Variants in CIDEA observed in about 807,000 individuals in gnomAD.
CIDEA encodes the protein cell death inducing DFFA like effector a, also known as lipid transferase CIDEA.
A neutral mutation model predicts 18.2 loss-of-function variants in CIDEA; 10 were observed. The observed-to-expected ratio is 0.55, with a 90% CI of 0.34 to 0.93. The LOEUF is 0.93. CIDEA is among the 40% of genes least tolerant of loss of function. The probability of loss-of-function intolerance (pLI) is 0.02; values close to 1 mark genes in which losing one functional copy is unlikely to be tolerated. For missense variants in CIDEA, 309 were observed against 293.1 expected (o/e 1.05, Z -0.40); for synonymous variants, 128 against 124.8 (o/e 1.03, Z -0.17).
chr18:12,264,844 C>T (rs1912308063), intron 3 of CIDEA, among the ~76,000 whole-genome samples: 1 of 152,244 alleles, frequency 6.6e-6, no homozygotes, highest in African/African-American at 2.4e-5. Flanking sequence ...TGAGCCACCG[C>T]GCCCGGCCAA....
At chr18:12,274,393 T>C in intron 4 of CIDEA, 119 bp downstream of exon 4, 1 of 847,348 alleles carries the variant, frequency 1.2e-6, no homozygotes, top group Non-Finnish European at 1.9e-6. Context: ...TAGGGGCAGT[T>C]GGAGTAATGT....
At chr18:12,271,046 C>T (rs1021679757) in intron 3 of CIDEA, among the ~76,000 whole-genome samples, 2 of 151,598 alleles carry the variant, frequency 1.3e-5, no homozygotes, top group Non-Finnish European at 2.9e-5. Context: ...TTACAGGCGC[C>T]CACCACCACG....
intron 3 of CIDEA, among the ~76,000 whole-genome samples, chr18:12,269,743 G>A (rs930644281): frequency 1.3e-5 from 2 of 152,050 alleles, no homozygotes; most frequent in Non-Finnish European, 2.9e-5. Flanking sequence ...TGTCACCCGG[G>A]CTGGAGTGCA....
chr18:12,258,133 C>T lies in CIDEA; in HGVS notation c.38+3712C>T, dbSNP rs567008672. Among the ~76,000 whole-genome samples, 11 of 152,292 alleles carry T rather than the reference C, an allele frequency of 7.2e-5. No individual in the cohort carries two copies. The South Asian group carries it at 1.0e-3, about 14-fold the overall frequency. On this transcript the variant is annotated intron_variant, in intron 1 of 4. Transcript: ENST00000320477. ...CCACCAGCCTTTCCTCCAGCAGTGACGCAGCTCTTGGTTTGGAAATGCTAC... is the reference window on the plus strand; with the variant it reads ...CCACCAGCCTTTCCTCCAGCAGTGATGCAGCTCTTGGTTTGGAAATGCTAC...
rs867566479 is a variant in CIDEA at position 12,275,412 on chromosome 18, C to A, written c.512+1138C>A. Among the ~76,000 whole-genome samples, 10 of 152,122 alleles carry A rather than the reference C, an allele frequency of 6.6e-5. No homozygotes were observed. The South Asian group carries it at 2.1e-3, about 32-fold the overall frequency. On this transcript the variant is annotated intron_variant, in intron 4 of 4. Transcript: ENST00000320477. The stretch of plus-strand genomic sequence containing the variant: ...GTTGCTTCCAAGCTCTTTATGATTG[C>A]CAGGGCTCTAACTACACCTACTTCT...
chr18:12,264,617 G>A (rs1326465096), intron 3 of CIDEA, among the ~76,000 whole-genome samples, 164 bp downstream of exon 3: 4 of 150,754 alleles, frequency 2.7e-5, no homozygotes, highest in East Asian at 3.9e-4. Context: ...GCAGTGGCGC[G>A]ATCTCGGCTC....
At chr18:12,262,485 C>G (rs1912220783) in intron 1 of CIDEA, among the ~76,000 whole-genome samples, 2 of 152,190 alleles carry the variant, frequency 1.3e-5, no homozygotes, top group African/African-American at 4.8e-5. Context: ...AGAAATCATT[C>G]TTTTGGATTT....
chr18:12,255,173 G>A (rs1428148445), intron 1 of CIDEA, among the ~76,000 whole-genome samples: 1 of 152,250 alleles, frequency 6.6e-6, no homozygotes, highest in African/African-American at 2.4e-5. Context: ...AAAATCCTAA[G>A]TCATTGCGTG....
rs541698137 is a variant in CIDEA, at chr18:12,254,414, C to G, written c.31C>G (p.Leu11Val). The G allele has an allele frequency of 3.8e-6, 6 of 1,587,612 alleles. No individual in the cohort carries two copies. In the Admixed American group the frequency reaches 1.0e-4, roughly 27 times the overall value. The change falls in exon 1 of 5, where the codon CTC (leucine) becomes GTC (valine). Residue 11 changes from leucine to valine, a missense_variant. Coordinates refer to ENST00000320477, the MANE Select transcript of CIDEA (RefSeq NM_001279.4). Reference sequence around the variant, plus strand: ...GGCCGCCCGGGACTATGCAGGAGCCCTCATCAGGCGAGTGCCCCGCGTCCC... The same window carrying G: ...GGCCGCCCGGGACTATGCAGGAGCCGTCATCAGGCGAGTGCCCCGCGTCCC... The part of the protein sequence containing the change: MEAARDYAGA[L>V]IRPLTFMGSQ...
Position 12,264,380 on chromosome 18 carries a change from C to T in CIDEA, c.257C>T (p.Thr86Ile), listed in dbSNP as rs1370439634. Reference protein sequence around the residue: ...VLEEDGTVVDTEEFFQTLGDN... With the variant: ...VLEEDGTVVDIEEFFQTLGDN... ...GAGGAAGATGGCACCGTGGTGGACA[C>T]AGAAGAGTTCTTTCAGACCTTGGGA... The change falls in exon 3 of 5, where the codon ACA becomes ATA. Residue 86 changes from threonine to isoleucine, a missense_variant. Coordinates refer to ENST00000320477, the MANE Select transcript of CIDEA (RefSeq NM_001279.4). 2.3e-5 allele frequency: 37 copies of T among 1,613,908 alleles called. No homozygotes were observed. The highest frequency in any genetic ancestry group is 2.6e-5 in the Non-Finnish European group (31 of 1,179,908).
chr18:12,277,368 T>C lies in CIDEA; in HGVS notation c.*98T>C. ...CTTTTATGTTCTGAGCCACATGCAC[T>C]TGGAGGCCGCTGGTCACGCTGCTCA... On this transcript the variant is annotated 3_prime_UTR_variant, in exon 5 of 5. Coordinates refer to ENST00000320477, the MANE Select transcript of CIDEA (RefSeq NM_001279.4). 3 of 1,343,542 alleles carry C rather than the reference T, an allele frequency of 2.2e-6. No homozygotes were observed. The highest frequency in any genetic ancestry group is 1.3e-5 in the South Asian group (1 of 77,484). 83.2% of individuals were successfully genotyped at this position (1,343,542 alleles called of 1,614,324 possible).
At position 12,254,368 on chromosome 18, in the gene CIDEA, C is replaced by T. The variant is rs368886670; in HGVS notation, c.-16C>T. 2 of 1,527,450 alleles carry T rather than the reference C, an allele frequency of 1.3e-6. No individual in the cohort carries two copies. Among genetic ancestry groups the T allele is most frequent in the Admixed American group, 2.0e-5 (1 of 48,974 alleles). 94.6% of individuals were successfully genotyped at this position (1,527,450 alleles called of 1,614,324 possible). A position where few individuals can be genotyped will look rare whatever the true frequency, so the allele number is the denominator to read the frequency against. ...GCAGGCAGACAGACCTCCAGGCCCG[C>T]TAGGGGATCCGCGCCATGGAGGCCG... On this transcript the variant is annotated 5_prime_UTR_variant, in exon 1 of 5. Coordinates refer to ENST00000320477, the MANE Select transcript of CIDEA (RefSeq NM_001279.4).
At chr18:12,276,176 T>C (rs1326080252) in intron 4 of CIDEA, among the ~76,000 whole-genome samples, 2 of 151,962 alleles carry the variant, frequency 1.3e-5, no homozygotes, top group East Asian at 1.9e-4. Flanking sequence ...GTATTTTTAA[T>C]AGAGACGGGG....
chr18:12,274,898 A>C (rs1050323604), intron 4 of CIDEA, among the ~76,000 whole-genome samples: 23 of 152,238 alleles, frequency 1.5e-4, no homozygotes, highest in African/African-American at 5.5e-4. Context: ...TTCCTGCCCC[A>C]TAACTGGGTG....
intron 1 of CIDEA, among the ~76,000 whole-genome samples, chr18:12,259,735 C>T (rs12607894): frequency 0.05 from 7,653 of 152,194 alleles, 338 homozygotes; most frequent in East Asian, 0.15. Context: ...GTAGCGGGCG[C>T]CTGTAACCCC....
At chr18:12,269,222 G>T (rs1598779894) in intron 3 of CIDEA, among the ~76,000 whole-genome samples, 1 of 152,116 alleles carries the variant, frequency 6.6e-6, no homozygotes, top group Non-Finnish European at 1.5e-5. Context: ...TTTAATGTCT[G>T]GCTTAATAGA....
chr18:12,272,147 T>TGGGGGGGGGGGGGGGG (rs1259474425), intron 3 of CIDEA, among the ~76,000 whole-genome samples: 1 of 1,478 alleles, frequency 6.8e-4, no homozygotes, highest in Admixed American at 6.8e-3. Flanking sequence ...TGAGTGTGTG[T>TGGGGGGGGGGGGGGGG]GTGGGGGGGG....
chr18:12,265,469 A>G (rs1912323297), intron 3 of CIDEA, among the ~76,000 whole-genome samples: 1 of 152,246 alleles, frequency 6.6e-6, no homozygotes, highest in South Asian at 2.1e-4. Context: ...GCTGACACAA[A>G]GTCAAGGGGT....
At chr18:12,269,487 T>C (rs1033677654) in intron 3 of CIDEA, among the ~76,000 whole-genome samples, 1 of 152,212 alleles carries the variant, frequency 6.6e-6, no homozygotes, top group East Asian at 1.9e-4. Flanking sequence ...ACCAGTGAAG[T>C]TGGCCTCCTC....
Sources: gnomAD v4.1 joint callset for allele counts (sites outside exome capture counted in the v4.1 genomes callset) on GRCh38, gnomAD v4.1.1 for gene constraint, MANE v1.5 for transcripts, NCBI Gene and HGNC (gene_info 2026-07-23, HGNC 2026-07-21) for gene names.